The following KCNMA1 variants were observed in gnomAD, a reference collection of about 807,000 sequenced individuals.
KCNMA1 encodes potassium calcium-activated channel subfamily M alpha 1.
A neutral mutation model predicts 140.0 loss-of-function variants in KCNMA1; 29 were observed. The ratio of observed to expected loss-of-function variants is 0.21; its 90% confidence interval spans 0.15 to 0.28. KCNMA1 has a LOEUF of 0.28. Among genes scored for constraint, KCNMA1 ranks in the 10% least tolerant of loss-of-function variants. KCNMA1 has a pLI of 1.00. For missense variants in KCNMA1, 880 were observed against 1,602.2 expected (o/e 0.55, Z 7.70); for synonymous variants, 612 against 611.9 (o/e 1.00, Z 0.00).
intron 2 of KCNMA1, among the ~76,000 whole-genome samples, chr10:77,266,969 G>C (rs1239496001): frequency 2.6e-5 from 4 of 152,166 alleles, no homozygotes; most frequent in Non-Finnish European, 5.9e-5. Context: ...GTCTGAAGTA[G>C]GGACAGACAC....
chr10:77,324,971 C>CTCTCTGTGTGTG (rs766240356), intron 2 of KCNMA1, among the ~76,000 whole-genome samples: 22 of 90,442 alleles, frequency 2.4e-4, no homozygotes, highest in Admixed American at 8.5e-4. Context: ...CTCTCTCTCT[C>CTCTCTGTGTGTG]TGTGTGTGTG....
At chr10:77,060,546 C>A (rs150521524) in intron 14 of KCNMA1, among the ~76,000 whole-genome samples, 1 of 152,172 alleles carries the variant, frequency 6.6e-6, no homozygotes, top group African/African-American at 2.4e-5. Context: ...ATTGATCACA[C>A]CCAAAGTCTC....
chr10:77,171,418 T>C (rs727002), intron 5 of KCNMA1, among the ~76,000 whole-genome samples: 2,480 of 142,600 alleles, frequency 0.017, 38 homozygotes, highest in Middle Eastern at 0.028. Context: ...TGTGTGTGTG[T>C]GTGTGTGTGT....
At chr10:76,894,697 T>C (rs1400085122) in intron 25 of KCNMA1, among the ~76,000 whole-genome samples, 1 of 152,132 alleles carries the variant, frequency 6.6e-6, no homozygotes, top group African/African-American at 2.4e-5. Context: ...GATATAAAAG[T>C]GGTTAATAAA....
chr10:77,435,121 A>G (rs1294962129), intron 1 of KCNMA1, among the ~76,000 whole-genome samples: 1 of 151,588 alleles, frequency 6.6e-6, no homozygotes, highest in East Asian at 1.9e-4. Context: ...AATTTTTTGT[A>G]GAGATGGTGT....
intron 13 of KCNMA1, among the ~76,000 whole-genome samples, chr10:77,074,825 T>G (rs2096336581): frequency 1.3e-5 from 2 of 152,218 alleles, no homozygotes; most frequent in Admixed American, 6.5e-5. Context: ...TCTAAGTCTC[T>G]GCTAGTGCCA....
intron 5 of KCNMA1, among the ~76,000 whole-genome samples, chr10:77,152,605 G>A (rs1046865666): frequency 6.6e-6 from 1 of 152,120 alleles, no homozygotes; most frequent in African/African-American, 2.4e-5. Context: ...GGGTGAGGGG[G>A]CTGGGGCATT....
In KCNMA1 at chr10:76,975,094, G is replaced by A. The variant is rs73284528; in HGVS notation, c.2267-5027C>T. Among the ~76,000 whole-genome samples the A allele has an allele frequency of 4.6e-3, 697 of 152,182 alleles. 7 individuals are homozygous for A. The highest frequency in any genetic ancestry group is 0.016 in the African/African-American group (655 of 41,502). ...CCACTCCTCAGAAAGACAGATCCAC[G>A]GCATTTCCTTCGGCCGTCAGCGACA... On this transcript the variant is annotated intron_variant, in intron 19 of 27. Transcript: ENST00000286628.
At chr10:77,164,558 A>C (rs1442098696) in intron 5 of KCNMA1, among the ~76,000 whole-genome samples, 1 of 151,982 alleles carries the variant, frequency 6.6e-6, no homozygotes, top group South Asian at 2.1e-4. Flanking sequence ...ATGATCTTTA[A>C]GAAAAGACAA....
intron 1 of KCNMA1, among the ~76,000 whole-genome samples, chr10:77,623,443 C>T (rs141547554): frequency 4.3e-4 from 66 of 152,128 alleles, no homozygotes; most frequent in African/African-American, 1.3e-3. Flanking sequence ...CACCTGTAAT[C>T]CCAGCACTCT....
chr10:77,633,054 C>G lies in KCNMA1; in HGVS notation c.378+4211G>C, dbSNP rs572369606. On this transcript the variant is annotated intron_variant, in intron 1 of 27. Transcript: ENST00000286628. Reference sequence around the variant, plus strand: ...GCCAGGGGCTGGACGCCGTGCCTCACGCCTGTAATCCCAGCACTTTGGGAG... The same window carrying G: ...GCCAGGGGCTGGACGCCGTGCCTCAGGCCTGTAATCCCAGCACTTTGGGAG... Among the ~76,000 whole-genome samples, 177 of 152,322 alleles carry G rather than the reference C, an allele frequency of 1.2e-3. 1 individual carries two copies. Among genetic ancestry groups the G allele is most frequent in the African/African-American group, 4.1e-3 (172 of 41,584 alleles).
In KCNMA1 at chr10:77,340,721, G is replaced by C. The variant is rs551294792; in HGVS notation, c.540+63141C>G. On this transcript the variant is annotated intron_variant, in intron 2 of 27. Transcript: ENST00000286628. Reference sequence around the variant, plus strand: ...CACTGGGGCCTGTCGTGGGGTCGGGGGGAGGGGGCAGGGATAGCATTAGGA... The same window carrying C: ...CACTGGGGCCTGTCGTGGGGTCGGGCGGAGGGGGCAGGGATAGCATTAGGA... Among the ~76,000 whole-genome samples the C allele has an allele frequency of 1.2e-4, 19 of 152,012 alleles. 1 individual carries two copies. Among genetic ancestry groups the C allele is most frequent in the Non-Finnish European group, 2.5e-4 (17 of 67,986 alleles).
chr10:76,873,253 T>C (rs1218811216), downstream of KCNMA1: 2 of 152,240 alleles, frequency 1.3e-5, no homozygotes, highest in Non-Finnish European at 2.9e-5. Context: ...TAACAACTGA[T>C]ACTTTATTGG....
chr10:77,295,811 A>AAAAAAAAAAAC (rs1565799197), intron 2 of KCNMA1, among the ~76,000 whole-genome samples: 4 of 148,908 alleles, frequency 2.7e-5, no homozygotes, highest in African/African-American at 1.0e-4. Context: ...AAAAAAAAAA[A>AAAAAAAAAAAC]AAAAAACAGT....
At chr10:76,920,989 T>C (rs1166934344) in intron 23 of KCNMA1, among the ~76,000 whole-genome samples, 1 of 152,162 alleles carries the variant, frequency 6.6e-6, no homozygotes, top group African/African-American at 2.4e-5. Context: ...ACAAAGTACT[T>C]TCTAAATCTT....
rs1339884706 is a variant in KCNMA1, at chr10:77,614,764, G to A, written c.378+22501C>T. Among the ~76,000 whole-genome samples, 5 of 152,280 alleles carry A rather than the reference G, an allele frequency of 3.3e-5. No individual in the cohort carries two copies. The East Asian group carries it at 9.7e-4, about 29-fold the overall frequency. On this transcript the variant is annotated intron_variant, in intron 1 of 27. Coordinates refer to ENST00000286628, the MANE Select transcript of KCNMA1 (RefSeq NM_001161352.2). ...CCCTTTCCACCTCACTGCATGAGCAGAGGAAGGAGCCCCCTTGTCCATCCC... is the reference window on the plus strand; with the variant it reads ...CCCTTTCCACCTCACTGCATGAGCAAAGGAAGGAGCCCCCTTGTCCATCCC...
chr10:77,637,175 G>A, intron 1 of KCNMA1, 90 bp downstream of exon 1: 2 of 1,311,684 alleles, frequency 1.5e-6, no homozygotes, highest in Non-Finnish European at 2.1e-6. Flanking sequence ...AGGGAGGCAC[G>A]GCGCGGCGCG....
chr10:76,952,089 A>G, intron 21 of KCNMA1: 1 of 1,552,286 alleles, frequency 6.4e-7, no homozygotes, highest in South Asian at 1.2e-5. Flanking sequence ...ATCAGTTGGC[A>G]TGCATACTAC....
chr10:76,968,483 CTTTA>C (rs1485724971), intron 20 of KCNMA1, among the ~76,000 whole-genome samples: 1 of 152,148 alleles, frequency 6.6e-6, no homozygotes, highest in Non-Finnish European at 1.5e-5. Flanking sequence ...TCAGACTTCT[CTTTA>C]TTTATTTATT....
Sources: allele counts gnomAD v4.1 joint callset (sites outside exome capture counted in the v4.1 genomes callset), GRCh38; gene constraint gnomAD v4.1.1; transcripts MANE v1.5; gene names NCBI Gene and HGNC (gene_info 2026-07-23, HGNC 2026-07-21).